Variants in UGT1A8 observed in about 807,000 individuals in gnomAD.
UGT1A8 encodes the protein UDP-glucuronosyltransferase 1A8.
UGT1A8 carries 39 observed loss-of-function variants against 45.3 expected under a neutral mutation model. The ratio of observed to expected loss-of-function variants is 0.86; its 90% confidence interval spans 0.67 to 1.12. The LOEUF is 1.12. Among genes scored for constraint, UGT1A8 ranks in the 50% most tolerant of loss-of-function variants. UGT1A8 has a pLI of 0.00. For synonymous variants in UGT1A8, 275 were observed against 249.2 expected, an observed-to-expected ratio of 1.10 and a Z score of -0.97; for missense variants, 719 against 664.9, an observed-to-expected ratio of 1.08 and a Z score of -0.90.
At chr2:233,673,102 C>A (rs2741048) in intron 1 of UGT1A8, among the ~76,000 whole-genome samples, 93,600 of 151,956 alleles carry the variant, frequency 0.62, 29,075 homozygotes, top group South Asian at 0.65. Flanking sequence ...ATTCTATATG[C>A]CCGCCCCAGA....
At chr2:233,760,403 A>G in intron 1 of UGT1A8, 1 of 1,614,240 alleles carries the variant, frequency 6.2e-7, no homozygotes, top group Non-Finnish European at 8.5e-7. Context: ...GATGGCAGCC[A>G]CTGGCTGAGC....
chr2:233,747,703 AC>A, intron 1 of UGT1A8: 1 of 1,612,262 alleles, frequency 6.2e-7, no homozygotes, highest in Non-Finnish European at 8.5e-7. Context: ...CTGGCTAAGT[AC>A]CTATCAATTC....
rs762018928 is a variant in UGT1A8 at position 233,757,539 on chromosome 2, T to TATATACATATAC, written c.856-9490_856-9489insCATATACATATA. 2.5e-3 allele frequency among the ~76,000 whole-genome samples: 287 copies of TATATACATATAC among 115,694 alleles called. 10 individuals are homozygous for TATATACATATAC. The highest frequency in any genetic ancestry group is 0.013 in the Admixed American group (155 of 12,116). 75.9% of individuals were successfully genotyped at this position (115,694 alleles called of 152,430 possible). ...GCCAAAATCTTGCCTGTAAGGAATA[T>TATATACATATAC]ATATATATATATATATATATATGTA... On this transcript the variant is annotated intron_variant, in intron 1 of 4. Coordinates refer to ENST00000373450, the MANE Select transcript of UGT1A8 (RefSeq NM_019076.5).
rs1700239746 is a variant in UGT1A8, at chr2:233,771,113, A to C, written c.1296-1149A>C. The C allele has an allele frequency of 2.0e-5, 3 of 152,176 alleles. No homozygotes were observed. The South Asian group carries it at 6.2e-4, about 32-fold the overall frequency. The allele number at this position is 152,176 out of a possible 1,614,324, so 9.4% of individuals were successfully genotyped here. A position where few individuals can be genotyped will look rare whatever the true frequency, so the allele number is the denominator to read the frequency against. ...TATCAGGAAGACAGCACTAAAGCAC[A>C]AGGGATCCGACCCCATGATCCAAAC... is the stretch of plus-strand genomic sequence containing the variant. On this transcript the variant is annotated intron_variant, in intron 4 of 4. Transcript: ENST00000373450.
In UGT1A8 at chr2:233,769,812, GC is replaced by G; in HGVS notation, c.1295+1375del. The G allele has an allele frequency of 1.0e-6, 1 of 971,458 alleles. No individual in the cohort carries two copies. Among genetic ancestry groups the G allele is most frequent in the African/African-American group, 1.7e-5 (1 of 59,662 alleles). The allele number at this position is 971,458 out of a possible 1,614,324, so 60.2% of individuals were successfully genotyped here. A position where few individuals can be genotyped will look rare whatever the true frequency, so the allele number is the denominator to read the frequency against. On this transcript the variant is annotated intron_variant, in intron 4 of 4. Coordinates refer to ENST00000373450, the MANE Select transcript of UGT1A8 (RefSeq NM_019076.5). This position sits in a 1 kb window ranked among gnomAD's most constrained non-coding sequence, Gnocchi z 4.4. The stretch of plus-strand genomic sequence containing the variant: ...GGAGGCTGCTATGAGCCGTGATCAT[GC>G]CACTGCACTCCAGCAACCTGGGCAA...
chr2:233,719,056 C>G, intron 1 of UGT1A8: 1 of 1,614,284 alleles, frequency 6.2e-7, no homozygotes, highest in Middle Eastern at 1.6e-4. Context: ...ACCCTGACAG[C>G]CTATGCTGTT....
chr2:233,743,195 G>C, intron 1 of UGT1A8: 2 of 380,014 alleles, frequency 5.3e-6, no homozygotes, highest in South Asian at 3.9e-5. Flanking sequence ...GAATTACTTG[G>C]TGTCAATGCG....
chr2:233,620,354 C>A (rs45583434), intron 1 of UGT1A8, among the ~76,000 whole-genome samples: 199 of 152,248 alleles, frequency 1.3e-3, no homozygotes, highest in Middle Eastern at 0.01. Flanking sequence ...TACCAAGCAC[C>A]ACCCATGTGT....
At chr2:233,645,053 T>A (rs919542237) in intron 1 of UGT1A8, among the ~76,000 whole-genome samples, 2 of 152,208 alleles carry the variant, frequency 1.3e-5, no homozygotes, top group African/African-American at 4.8e-5. Flanking sequence ...CCTTTAGGGT[T>A]CTGGGTGGCT....
At position 233,669,255 on chromosome 2, in the gene UGT1A8, AT is replaced by A. The variant is rs35555682; in HGVS notation, c.855+50702del. On this transcript the variant is annotated intron_variant, in intron 1 of 4. Transcript: ENST00000373450. ...TGAAATTAGGTAATAATTGCTCTCC[AT>A]TTTTTTTTCTATTTTTTAAAAGTTA... Among the ~76,000 whole-genome samples the A allele has an allele frequency of 6.3e-4, 95 of 150,960 alleles. 1 individual carries two copies. The highest frequency in any genetic ancestry group is 1.8e-3 in the African/African-American group (76 of 41,142).
At chr2:233,748,450 A>G (rs1693947199) in intron 1 of UGT1A8, among the ~76,000 whole-genome samples, 1 of 151,796 alleles carries the variant, frequency 6.6e-6, no homozygotes, top group South Asian at 2.1e-4. Flanking sequence ...CACAATTTTC[A>G]GGGGAAAGAT....
At chr2:233,714,240 G>A (rs974557755) in intron 1 of UGT1A8, among the ~76,000 whole-genome samples, 4 of 152,188 alleles carry the variant, frequency 2.6e-5, no homozygotes, top group Non-Finnish European at 4.4e-5. Flanking sequence ...TCAGTAGAAA[G>A]GAGGAAGGAA....
chr2:233,729,942 CA>C, intron 1 of UGT1A8: 1 of 1,614,068 alleles, frequency 6.2e-7, no homozygotes, highest in Non-Finnish European at 8.5e-7. Context: ...TCATGCCCAA[CA>C]TGGTCTTCAT....
At chr2:233,705,688 T>C (rs947769375) in intron 1 of UGT1A8, among the ~76,000 whole-genome samples, 1 of 152,234 alleles carries the variant, frequency 6.6e-6, no homozygotes, top group Non-Finnish European at 1.5e-5. Context: ...TCACAACGAC[T>C]GGTATAAAAA....
In UGT1A8 at chr2:233,772,448, C is replaced by T. The variant is rs199539868; in HGVS notation, c.1482C>T (p.Ala494=). The change falls in exon 5 of 5, where the codon GCC becomes GCT. Residue 494 remains alanine (A), a synonymous_variant. Transcript: ENST00000373450. ...HSLDVIGFLL[A]VVLTVAFITF... The stretch of plus-strand genomic sequence containing the variant: ...TGGACGTGATTGGTTTCCTCTTGGC[C>T]GTCGTGCTGACAGTGGCCTTCATCA... 42 of 1,614,180 alleles carry T rather than the reference C, an allele frequency of 2.6e-5. No homozygotes were observed. In the East Asian group the frequency reaches 7.4e-4, roughly 28 times the overall value.
At chr2:233,637,978 AT>A in intron 1 of UGT1A8, among the ~76,000 whole-genome samples, 1 of 152,262 alleles carries the variant, frequency 6.6e-6, no homozygotes, top group Non-Finnish European at 1.5e-5. Flanking sequence ...TGATATATAT[AT>A]AGCCATTTTC....
At chr2:233,715,903 T>C (rs995195646) in intron 1 of UGT1A8, among the ~76,000 whole-genome samples, 1 of 152,162 alleles carries the variant, frequency 6.6e-6, no homozygotes, top group Non-Finnish European at 1.5e-5. Context: ...GAGGCTCAGG[T>C]GGGAGGATCA....
intron 1 of UGT1A8, chr2:233,718,669 A>C (rs2076673773): frequency 1.3e-6 from 2 of 1,549,114 alleles, no homozygotes. Context: ...TTATAGATTA[A>C]TGGGTAATAA....
At position 233,618,369 on chromosome 2, in the gene UGT1A8, A is replaced by C. The variant is rs139633511; in HGVS notation, c.662A>C (p.Gln221Pro). The C allele has an allele frequency of 4.6e-5, 75 of 1,613,852 alleles. No individual in the cohort carries two copies. Among genetic ancestry groups the C allele is most frequent in the Non-Finnish European group, 5.8e-5 (69 of 1,179,870 alleles). Residue 221 changes from glutamine to proline, a missense_variant, in exon 1 of 5, where the codon CAG (glutamine) becomes CCG (proline). By Grantham distance (76) the Gln-to-Pro change is moderately conservative. Coordinates refer to ENST00000373450, the MANE Select transcript of UGT1A8 (RefSeq NM_019076.5). Reference sequence around the variant, plus strand: ...CACTTGGAGGAACATTTATTTTGCCAGTATTTTTCCAAAAATGCCCTAGAA... The same window carrying C: ...CACTTGGAGGAACATTTATTTTGCCCGTATTTTTCCAAAAATGCCCTAGAA... ...IMHLEEHLFC[Q>P]YFSKNALEIA...
Sources: allele counts gnomAD v4.1 joint callset (sites outside exome capture counted in the v4.1 genomes callset), GRCh38; gene constraint gnomAD v4.1.1; non-coding constraint Gnocchi (gnomAD v3.1); transcripts MANE v1.5; gene names NCBI Gene and HGNC (gene_info 2026-07-23, HGNC 2026-07-21).